The following DDX10 variants were observed in gnomAD, a reference collection of about 807,000 sequenced individuals.
DDX10 encodes probable ATP-dependent RNA helicase DDX10.
DDX10 carries 74 observed loss-of-function variants against 104.3 expected under a neutral mutation model. That is an observed-to-expected ratio of 0.71 (90% CI 0.59 to 0.86). The LOEUF is 0.86. Ranked by LOEUF, DDX10 falls within the 40% of genes least tolerant of loss-of-function variation. The pLI is 0.00. For synonymous variants in DDX10, 351 were observed against 353.4 expected (o/e 0.99, Z 0.08); for missense variants, 952 against 1,040.0 (o/e 0.92, Z 1.16).
At chr11:108,688,897 G>T in intron 6 of DDX10, 39 bp from the exon 7 acceptor site, 1 of 1,592,300 alleles carries the variant, frequency 6.3e-7, no homozygotes, top group South Asian at 1.1e-5. Context: ...TTACTTACAT[G>T]ACATATTCTA....
chr11:108,852,431 C>T lies in DDX10; in HGVS notation c.2304+222C>T, dbSNP rs192474576. 6.5e-4 allele frequency among the ~76,000 whole-genome samples: 99 copies of T among 152,282 alleles called. 2 individuals carry two copies. The highest frequency in any genetic ancestry group is 6.0e-3 in the Admixed American group (92 of 15,300). On this transcript the variant is annotated intron_variant, in intron 16 of 17. Transcript: ENST00000322536. ...TTTCTTGTATTCCTCTGGTGCAGGA[C>T]GAAAAATCCCTAAGATAATTTGTTA...
At chr11:108,937,534 A>G (rs1864051926) in intron 17 of DDX10, among the ~76,000 whole-genome samples, 1 of 152,210 alleles carries the variant, frequency 6.6e-6, no homozygotes, top group Non-Finnish European at 1.5e-5. Flanking sequence ...ATTAGCAATG[A>G]GTGAGTTGTT....
At chr11:108,886,534 C>A (rs1279482448) in intron 16 of DDX10, among the ~76,000 whole-genome samples, 1 of 152,136 alleles carries the variant, frequency 6.6e-6, no homozygotes, top group African/African-American at 2.4e-5. Context: ...AATCTGAGTT[C>A]TTCTAAAAGG....
chr11:108,875,895 A>G (rs772182371), intron 16 of DDX10, among the ~76,000 whole-genome samples: 1 of 152,196 alleles, frequency 6.6e-6, no homozygotes, highest in Non-Finnish European at 1.5e-5. Context: ...CTGTTTTCAT[A>G]CAGATGATGC....
chr11:108,708,107 C>T (rs1189950285), intron 10 of DDX10, among the ~76,000 whole-genome samples: 2 of 151,700 alleles, frequency 1.3e-5, no homozygotes, highest in African/African-American at 2.4e-5. Flanking sequence ...TGAATTCCTG[C>T]CAGCAATTAA....
chr11:108,698,655 G>T (rs999921421), intron 9 of DDX10, among the ~76,000 whole-genome samples: 1 of 152,148 alleles, frequency 6.6e-6, no homozygotes, highest in African/African-American at 2.4e-5. Flanking sequence ...AGGAATAGGG[G>T]TGCCCCCACT....
intron 16 of DDX10, among the ~76,000 whole-genome samples, chr11:108,863,821 G>A (rs1311971680): frequency 7.0e-6 from 1 of 143,436 alleles, no homozygotes; most frequent in Non-Finnish European, 1.5e-5. Flanking sequence ...AAAAATGAGA[G>A]TGGATGGGTC....
intron 16 of DDX10, among the ~76,000 whole-genome samples, chr11:108,894,711 T>C (rs185083400): frequency 6.3e-4 from 96 of 152,132 alleles, no homozygotes; most frequent in African/African-American, 2.3e-3. Flanking sequence ...GCATACTCTT[T>C]TGTGTTCTTT....
At chr11:108,835,338 C>T (rs1189940651) in intron 13 of DDX10, among the ~76,000 whole-genome samples, 1 of 152,048 alleles carries the variant, frequency 6.6e-6, no homozygotes, top group African/African-American at 2.4e-5. Flanking sequence ...CTTTTGCCAC[C>T]AGTTGGTGAT....
At chr11:108,750,853 G>A (rs1435213354) in intron 13 of DDX10, among the ~76,000 whole-genome samples, 1 of 109,192 alleles carries the variant, frequency 9.2e-6, no homozygotes, top group Non-Finnish European at 2.2e-5. Flanking sequence ...AAACTCCTGG[G>A]CTCAAGTGGT....
intron 13 of DDX10, among the ~76,000 whole-genome samples, chr11:108,796,239 C>G (rs1861939653): frequency 6.6e-6 from 1 of 152,156 alleles, no homozygotes; most frequent in South Asian, 2.1e-4. Flanking sequence ...GAAAAGACAT[C>G]AGTTTTACTG....
At position 108,887,287 on chromosome 11, in the gene DDX10, ATAAT is replaced by A. The variant is rs551992888; in HGVS notation, c.2305-30580_2305-30577del. On this transcript the variant is annotated intron_variant, in intron 16 of 17. Coordinates refer to ENST00000322536, the MANE Select transcript of DDX10 (RefSeq NM_004398.4). ...CAAGGCTATTAATAATAGAATAGAG[ATAAT>A]TAATTGATATTTAGAAATAAGTACC... Among the ~76,000 whole-genome samples, 935 of 152,252 alleles carry A rather than the reference ATAAT, an allele frequency of 6.1e-3. 4 individuals carry two copies. Among genetic ancestry groups the A allele is most frequent in the African/African-American group, 0.021 (868 of 41,572 alleles).
intron 13 of DDX10, among the ~76,000 whole-genome samples, chr11:108,761,506 G>A (rs999415543): frequency 6.6e-6 from 1 of 152,002 alleles, no homozygotes; most frequent in Non-Finnish European, 1.5e-5. Flanking sequence ...TTCGTATGCA[G>A]TTACTTCTGG....
intron 13 of DDX10, among the ~76,000 whole-genome samples, chr11:108,758,940 A>G (rs1257072227): frequency 6.6e-6 from 1 of 152,082 alleles, no homozygotes; most frequent in East Asian, 1.9e-4. Context: ...AGCTCCATTC[A>G]GTTGCTCTAG....
At chr11:108,730,849 G>GT (rs66875438) in intron 13 of DDX10, among the ~76,000 whole-genome samples, 94,606 of 148,666 alleles carry the variant, frequency 0.64, 32,387 homozygotes, top group Non-Finnish European at 0.77. Context: ...GTACCTGCAT[G>GT]TTTTTTTTTT....
rs112441478 is a variant in DDX10, at chr11:108,698,893, C to T, written c.1223+5293C>T. On this transcript the variant is annotated intron_variant, in intron 9 of 17. Transcript: ENST00000322536. Reference sequence around the variant, plus strand: ...TTTATGTGCCAGGCGTGCTTTTGCCCGTAGGGCCTTTATACTGGTGCTGTC... The same window carrying T: ...TTTATGTGCCAGGCGTGCTTTTGCCTGTAGGGCCTTTATACTGGTGCTGTC... Among the ~76,000 whole-genome samples the T allele has an allele frequency of 8.9e-4, 135 of 152,288 alleles. 1 individual carries two copies. Among genetic ancestry groups the T allele is most frequent in the African/African-American group, 2.9e-3 (121 of 41,572 alleles).
chr11:108,787,684 G>A (rs1425279931), intron 13 of DDX10, among the ~76,000 whole-genome samples: 2 of 152,116 alleles, frequency 1.3e-5, no homozygotes, highest in African/African-American at 4.8e-5. Context: ...TGTAATCCCA[G>A]CACTTTGGGA....
intron 13 of DDX10, among the ~76,000 whole-genome samples, chr11:108,725,420 T>C (rs982544456): frequency 1.3e-5 from 2 of 152,112 alleles, no homozygotes; most frequent in African/African-American, 2.4e-5. Flanking sequence ...CTCTTCCAAT[T>C]TGTGTTCTTG....
rs924714853 is a variant in DDX10, at chr11:108,719,793, A to G, written c.1411-4A>G. The stretch of plus-strand genomic sequence containing the variant: ...ATTGTACTTTTCAACCTCTTAATTT[A>G]CAGTGTTTCGTCTCCTATGTACGAT... On this transcript the variant is annotated splice_polypyrimidine_tract_variant and splice_region_variant and intron_variant, in intron 11 of 17. Transcript: ENST00000322536. The G allele has an allele frequency of 4.5e-6, 7 of 1,568,414 alleles. No homozygotes were observed. Among genetic ancestry groups the G allele is most frequent in the African/African-American group, 1.4e-5 (1 of 73,692 alleles).
Sources: allele counts gnomAD v4.1 joint callset (sites outside exome capture counted in the v4.1 genomes callset), GRCh38; gene constraint gnomAD v4.1.1; transcripts MANE v1.5; gene names NCBI Gene and HGNC (gene_info 2026-07-23, HGNC 2026-07-21).